Variants in ABCC10 observed in about 807,000 individuals in gnomAD.
The protein encoded by ABCC10 is ATP binding cassette subfamily C member 10.
Under a neutral mutation model 143.2 loss-of-function variants are expected in ABCC10, and 110 were observed. The observed-to-expected ratio is 0.77, with a 90% CI of 0.66 to 0.90. ABCC10 has a LOEUF of 0.90. ABCC10 is among the 40% of genes least tolerant of loss of function. The pLI is 0.00. For missense variants in ABCC10, 1,700 were observed against 1,900.5 expected, an observed-to-expected ratio of 0.89 and a Z score of 1.96; for synonymous variants, 805 against 846.7, an observed-to-expected ratio of 0.95 and a Z score of 0.85.
At chr6:43,438,316 G>A (rs1781973167) in intron 7 of ABCC10, 1 of 1,394,350 alleles carries the variant, frequency 7.2e-7, no homozygotes, top group South Asian at 1.6e-5. Flanking sequence ...GCATAGGTTT[G>A]AGGGAGGACC....
chr6:43,446,829 T>G, intron 16 of ABCC10: 5 of 1,127,950 alleles, frequency 4.4e-6, no homozygotes, highest in Non-Finnish European at 5.4e-6. Flanking sequence ...ATCACCCTCC[T>G]GCTTCTCTGT....
Position 43,443,229 on chromosome 6 carries a change from ACT to A in ABCC10, c.2416+73_2416+74del. On this transcript the variant is annotated intron_variant, in intron 10 of 21. Coordinates refer to ENST00000372530, the MANE Select transcript of ABCC10 (RefSeq NM_001198934.2). The surrounding 1 kb of genome is among the most constrained non-coding windows in gnomAD (Gnocchi z 4.2). ...TCTGGCAGGGGATTGTGAAGTACAG[ACT>A]CTGCCCCCTGCTGCATGTGTGCCCT... 1 of 1,424,054 alleles carries A rather than the reference ACT, an allele frequency of 7.0e-7. No homozygotes were observed. Among genetic ancestry groups the A allele is most frequent in the Non-Finnish European group, 9.3e-7 (1 of 1,076,412 alleles). 88.2% of individuals were successfully genotyped at this position (1,424,054 alleles called of 1,614,324 possible).
Position 43,432,488 on chromosome 6 carries a change from G to T in ABCC10, c.508G>T (p.Ala170Ser). Residue 170 changes from alanine to serine, a missense_variant, in exon 3 of 22, where the codon GCC becomes TCC. Transcript: ENST00000372530. ...LLPPLLPGPMARLCLLILQLA... is the reference protein window; with the variant it reads ...LLPPLLPGPMSRLCLLILQLA... Reference sequence around the variant, plus strand: ...GCCCCCACTTCTCCCAGGGCCCATGGCCCGCCTATGCTTGCTCATCCTGCA... The same window carrying T: ...GCCCCCACTTCTCCCAGGGCCCATGTCCCGCCTATGCTTGCTCATCCTGCA... 1 of 1,611,832 alleles carries T rather than the reference G, an allele frequency of 6.2e-7. No homozygotes were observed. Among genetic ancestry groups the T allele is most frequent in the South Asian group, 1.1e-5 (1 of 91,086 alleles).
chr6:43,432,069 A>G (rs1350097279), intron 2 of ABCC10, 73 bp from the exon 3 acceptor site: 1 of 1,565,414 alleles, frequency 6.4e-7, no homozygotes, highest in East Asian at 2.3e-5. Flanking sequence ...TAAGTGAATT[A>G]TTGGAGGTGA....
intron 7 of ABCC10, 77 bp downstream of exon 7, chr6:43,438,090 C>A: frequency 5.4e-6 from 8 of 1,469,284 alleles, no homozygotes; most frequent in Non-Finnish European, 7.5e-6. Flanking sequence ...TGTTGGACAC[C>A]TTTTGGGGGT....
At position 43,432,736 on chromosome 6, in the gene ABCC10, C is replaced by T. The variant is rs1213942290; in HGVS notation, c.756C>T (p.His252=). 2.5e-6 allele frequency: 4 copies of T among 1,614,184 alleles called. No individual in the cohort carries two copies. The highest frequency in any genetic ancestry group is 1.7e-6 in the Non-Finnish European group (2 of 1,180,024). ...CTCAGGACATTTGCCGCCTCCCCCA[C>T]AGACTGCAGCCAACCTACCTGGCTC... ...RQPQDICRLP[H]RLQPTYLARV... The change falls in exon 3 of 22, where the codon CAC becomes CAT. Residue 252 remains histidine, a synonymous_variant. Coordinates refer to ENST00000372530, the MANE Select transcript of ABCC10 (RefSeq NM_001198934.2).
intron 2 of ABCC10, among the ~76,000 whole-genome samples, chr6:43,430,078 C>A (rs2127379554): frequency 6.7e-6 from 1 of 150,062 alleles, no homozygotes; most frequent in East Asian, 2.0e-4. Context: ...CCATGCCCAG[C>A]CAGAAATAGA....
intron 20 of ABCC10, 27 bp from the exon 21 acceptor site, chr6:43,449,395 A>G (rs1783506002): frequency 1.3e-6 from 2 of 1,594,372 alleles, no homozygotes; most frequent in Non-Finnish European, 1.7e-6. Context: ...CTTCCTTCTT[A>G]TCCCCTACCC....
chr6:43,441,932 G>T lies in ABCC10; in HGVS notation c.2198G>T (p.Arg733Leu). 1 of 1,613,926 alleles carries T rather than the reference G, an allele frequency of 6.2e-7. No homozygotes were observed. The highest frequency in any genetic ancestry group is 8.5e-7 in the Non-Finnish European group (1 of 1,179,888). The change falls in exon 9 of 22, where the codon CGG becomes CTG. Residue 733 changes from arginine (R) to leucine (L), a missense_variant. Arg to Leu is a moderately radical substitution (Grantham distance 102). Transcript: ENST00000372530. ...ACCCTTAGCGGAGGACAGCGTGCCC[G>T]GATTGCCCTTGCTCGTGCTGTCTAC... ...GVTLSGGQRARIALARAVYQE... is the reference protein window; with the variant it reads ...GVTLSGGQRALIALARAVYQE...
At chr6:43,433,521 T>TA (rs1781360264) in intron 3 of ABCC10, among the ~76,000 whole-genome samples, 161 bp downstream of exon 3, 1 of 152,210 alleles carries the variant, frequency 6.6e-6, no homozygotes, top group Non-Finnish European at 1.5e-5. Flanking sequence ...GCTCTACACT[T>TA]ACTGGTTCAA....
At position 43,443,067 on chromosome 6, in the gene ABCC10, A is replaced by G; in HGVS notation, c.2324A>G (p.Tyr775Cys). The G allele has an allele frequency of 6.2e-7, 1 of 1,612,926 alleles. No homozygotes were observed. Among genetic ancestry groups the G allele is most frequent in the Non-Finnish European group, 8.5e-7 (1 of 1,179,986 alleles). ...AGGTGCATCCTGGGCATGCTGAGCT[A>G]CACCACACGGCTGCTCTGCACCCAC... ...LHRCILGMLS[Y>C]TTRLLCTHRT... is the part of the protein sequence containing the mutation. The change falls in exon 10 of 22, where the codon TAC (tyrosine) becomes TGC (cysteine). Residue 775 changes from tyrosine (Y) to cysteine (C), a missense_variant. By Grantham distance (194) the Tyr-to-Cys change is radical. Transcript: ENST00000372530. This position sits in a 1 kb window ranked among gnomAD's most constrained non-coding sequence, Gnocchi z 4.2.
rs1782728311 is a variant in ABCC10, at chr6:43,443,808, A to G, written c.2417-125A>G. On this transcript the variant is annotated intron_variant, in intron 10 of 21. Transcript: ENST00000372530. This position sits in a 1 kb window ranked among gnomAD's most constrained non-coding sequence, Gnocchi z 4.2. ...AGAGTCCTGCTCGAGGTCTAGGGGTATCCTGCTAGGGTGGGTTAGACGGGG... is the reference window on the plus strand; with the variant it reads ...AGAGTCCTGCTCGAGGTCTAGGGGTGTCCTGCTAGGGTGGGTTAGACGGGG... 3.1e-6 allele frequency: 3 copies of G among 966,880 alleles called. No homozygotes were observed. The highest frequency in any genetic ancestry group is 3.3e-6 in the Non-Finnish European group (2 of 604,860). 59.9% of individuals were successfully genotyped at this position (966,880 alleles called of 1,614,324 possible). A position where few individuals can be genotyped will look rare whatever the true frequency, so the allele number is the denominator to read the frequency against.
In ABCC10 at chr6:43,447,758, G is replaced by T; in HGVS notation, c.3780G>T (p.Pro1260=). ...TGTTGGCGTACCGGCCAGGGCTGCC[G>T]AATGCCCTGGATGGAGTGACCTTCT... ...DVVLAYRPGL[P]NALDGVTFCV... is the part of the protein sequence containing the mutation. The change falls in exon 18 of 22, where the codon CCG becomes CCT. Residue 1260 remains proline, a synonymous_variant. Transcript: ENST00000372530. The T allele has an allele frequency of 1.2e-6, 2 of 1,613,788 alleles. No homozygotes were observed. Among genetic ancestry groups the T allele is most frequent in the Non-Finnish European group, 1.7e-6 (2 of 1,179,954 alleles).
chr6:43,432,507 T>C lies in ABCC10; in HGVS notation c.527T>C (p.Ile176Thr), dbSNP rs149485943. The stretch of plus-strand genomic sequence containing the variant: ...CCCATGGCCCGCCTATGCTTGCTCA[T>C]CCTGCAGCTGGCTGCACTCTTGGCC... ...PGPMARLCLLILQLAALLAYA... is the reference protein window; with the variant it reads ...PGPMARLCLLTLQLAALLAYA... The change falls in exon 3 of 22, where the codon ATC becomes ACC. Residue 176 changes from isoleucine to threonine, a missense_variant. Coordinates refer to ENST00000372530, the MANE Select transcript of ABCC10 (RefSeq NM_001198934.2). The C allele has an allele frequency of 1.2e-5, 19 of 1,612,132 alleles. No homozygotes were observed. The highest frequency in any genetic ancestry group is 1.6e-5 in the Non-Finnish European group (19 of 1,180,034).
Position 43,442,095 on chromosome 6 carries a change from G to C in ABCC10, c.2226+135G>C, listed in dbSNP as rs1185540058. The C allele has an allele frequency of 1.6e-5, 11 of 692,470 alleles. No homozygotes were observed. In the Middle Eastern group the frequency reaches 1.7e-3, roughly 110 times the overall value. The allele number at this position is 692,470 out of a possible 1,614,324, so 42.9% of individuals were successfully genotyped here. On this transcript the variant is annotated intron_variant, in intron 9 of 21. Coordinates refer to ENST00000372530, the MANE Select transcript of ABCC10 (RefSeq NM_001198934.2). ...TCCCTCCTCCCTTGCATGTTCCTGA[G>C]GTATTGGCCATCTCATCCCCTTTTG... is the stretch of plus-strand genomic sequence containing the variant.
In ABCC10 at chr6:43,447,212, C is replaced by G. The variant is rs897103069; in HGVS notation, c.3545-36C>G. ...AGTCTCCCACAAACGTCCCGGTGTC[C>G]AAGCTCTCCCAGCAGCTGGTACTTC... is the stretch of plus-strand genomic sequence containing the variant. On this transcript the variant is annotated intron_variant, in intron 16 of 21. Transcript: ENST00000372530. The G allele has an allele frequency of 2.5e-6, 4 of 1,600,366 alleles. No individual in the cohort carries two copies. The Admixed American group carries it at 6.8e-5, about 27-fold the overall frequency.
chr6:43,449,592 C>G, intron 21 of ABCC10, 58 bp downstream of exon 21: 1 of 1,439,922 alleles, frequency 6.9e-7, no homozygotes, highest in Non-Finnish European at 9.6e-7. Context: ...CACCGAGAGC[C>G]TCCGTTGCTT....
At position 43,427,953 on chromosome 6, in the gene ABCC10, C is replaced by T. The variant is rs1194997563; in HGVS notation, c.-11-15C>T. The stretch of plus-strand genomic sequence containing the variant: ...TGTTACCCTGCACAGCCGTCACCCT[C>T]AACTTTCCCTTCAGGTGAGGCGTCC... On this transcript the variant is annotated splice_polypyrimidine_tract_variant and intron_variant, in intron 1 of 21. Transcript: ENST00000372530. 1.2e-6 allele frequency: 2 copies of T among 1,611,978 alleles called. No homozygotes were observed. Among genetic ancestry groups the T allele is most frequent in the Non-Finnish European group, 8.5e-7 (1 of 1,179,470 alleles).
chr6:43,450,524 A>G (rs1385363022), downstream of ABCC10: 2 of 1,528,744 alleles, frequency 1.3e-6, no homozygotes. The surrounding 1 kb of genome is among the most constrained non-coding windows in gnomAD (Gnocchi z 4.5). Flanking sequence ...GGGGGCCAGA[A>G]AGCCCCCACC....
Sources: allele counts gnomAD v4.1 joint callset (sites outside exome capture counted in the v4.1 genomes callset), GRCh38; gene constraint gnomAD v4.1.1; non-coding constraint Gnocchi (gnomAD v3.1); transcripts MANE v1.5; gene names NCBI Gene and HGNC (gene_info 2026-07-23, HGNC 2026-07-21).